SLC35F4: variants seen among roughly 807,000 people sequenced by gnomAD.
SLC35F4 encodes the protein chromosome 14 open reading frame 36.
Under a neutral mutation model 44.2 loss-of-function variants are expected in SLC35F4, and 24 were observed. The observed-to-expected ratio is 0.54, with a 90% CI of 0.39 to 0.76. The LOEUF (loss-of-function observed/expected upper bound fraction) is 0.76. Among genes scored for constraint, SLC35F4 ranks in the 30% least tolerant of loss-of-function variants. The pLI is 0.00. For synonymous variants in SLC35F4, 238 were observed against 223.6 expected, an observed-to-expected ratio of 1.06 and a Z score of -0.57; for missense variants, 562 against 586.1, an observed-to-expected ratio of 0.96 and a Z score of 0.42.
intron 1 of SLC35F4, among the ~76,000 whole-genome samples, chr14:57,738,002 C>G (rs904367598): frequency 6.6e-6 from 1 of 152,174 alleles, no homozygotes; most frequent in Non-Finnish European, 1.5e-5. Flanking sequence ...CATGCTAAAA[C>G]TTGGAGCAAG....
intron 1 of SLC35F4, among the ~76,000 whole-genome samples, chr14:57,647,551 C>T (rs1019674858): frequency 2.2e-4 from 34 of 152,010 alleles, no homozygotes; most frequent in Non-Finnish European, 2.2e-4. Flanking sequence ...AACTTCAACC[C>T]CTTAATGTTT....
At chr14:57,670,546 G>C (rs541279523) in intron 1 of SLC35F4, among the ~76,000 whole-genome samples, 62 of 151,848 alleles carry the variant, frequency 4.1e-4, no homozygotes, top group African/African-American at 1.5e-3. Flanking sequence ...TGTTCTCGTT[G>C]GTTTCAAAGA....
At chr14:57,581,628 G>A (rs575450915) in intron 3 of SLC35F4, among the ~76,000 whole-genome samples, 195 bp from the exon 4 acceptor site, 3 of 152,372 alleles carry the variant, frequency 2.0e-5, no homozygotes, top group African/African-American at 7.2e-5. Context: ...TAGCCCACAT[G>A]TGCCCAAGCA....
rs772280965 is a variant in SLC35F4, at chr14:57,594,004, A to G, written c.224T>C (p.Leu75Pro). ...TGAGGATCCTTGGTTTTGAAGTTCA[A>G]GAATAGGAGCAGAGGAATCTTCGGT... ...SVTEDSSAPI[L>P]ELQNQGSSGV... is the part of the protein sequence containing the mutation. Residue 75 changes from leucine to proline, a missense_variant, in exon 2 of 8, where the codon CTT becomes CCT. Transcript: ENST00000556826. The G allele has an allele frequency of 4.3e-6, 7 of 1,613,912 alleles. No homozygotes were observed. Among genetic ancestry groups the G allele is most frequent in the Middle Eastern group, 1.7e-4 (1 of 6,056 alleles).
chr14:57,579,354 A>AAATC (rs2139789756), intron 4 of SLC35F4: 1 of 152,274 alleles, frequency 6.6e-6, no homozygotes, highest in East Asian at 1.9e-4. Flanking sequence ...TTGATTTTTA[A>AAATC]AATCTGCTAT....
chr14:57,663,156 G>T (rs1383290197), intron 1 of SLC35F4, among the ~76,000 whole-genome samples: 3 of 152,126 alleles, frequency 2.0e-5, no homozygotes, highest in African/African-American at 7.2e-5. Flanking sequence ...GCCCCTTTGA[G>T]TGTGTCATGT....
chr14:57,713,816 G>A (rs1449810926), intron 1 of SLC35F4, among the ~76,000 whole-genome samples: 1 of 152,186 alleles, frequency 6.6e-6, no homozygotes, highest in Non-Finnish European at 1.5e-5. Context: ...TGATTTTGCT[G>A]TAAGAATATT....
intron 1 of SLC35F4, among the ~76,000 whole-genome samples, chr14:57,712,004 A>G (rs2075828507): frequency 6.6e-6 from 1 of 152,212 alleles, no homozygotes; most frequent in South Asian, 2.1e-4. Flanking sequence ...TCTGTACATT[A>G]CTTAGAGAAA....
chr14:57,917,780 C>T (rs1594623823), intron 1 of SLC35F4, among the ~76,000 whole-genome samples: 1 of 152,084 alleles, frequency 6.6e-6, no homozygotes, highest in Admixed American at 6.5e-5. Context: ...ATATGGATCC[C>T]GTTACCAAGT....
At chr14:57,973,489 C>T (rs1023253326), downstream of SLC35F4, among the ~76,000 whole-genome samples, 17 of 152,126 alleles carry the variant, frequency 1.1e-4, no homozygotes, top group African/African-American at 3.4e-4. Context: ...GGGAGAGGCA[C>T]AGATCTCTGT....
intron 1 of SLC35F4, among the ~76,000 whole-genome samples, chr14:57,606,028 G>A (rs1465253806): frequency 2.6e-5 from 4 of 152,164 alleles, no homozygotes; most frequent in African/African-American, 7.2e-5. Context: ...CACTACCTGG[G>A]TGACGGATTC....
At chr14:57,757,010 T>C (rs927811906) in intron 1 of SLC35F4, among the ~76,000 whole-genome samples, 2 of 152,128 alleles carry the variant, frequency 1.3e-5, no homozygotes, top group South Asian at 2.1e-4. Context: ...TTGACTATAA[T>C]TGTGAATGTT....
At chr14:57,698,561 G>T (rs1206156405) in intron 1 of SLC35F4, among the ~76,000 whole-genome samples, 1 of 151,862 alleles carries the variant, frequency 6.6e-6, no homozygotes, top group Non-Finnish European at 1.5e-5. Flanking sequence ...AATGGAATTG[G>T]AACACAAATT....
intron 1 of SLC35F4, among the ~76,000 whole-genome samples, chr14:57,764,338 T>C (rs1420878663): frequency 2.0e-5 from 3 of 152,154 alleles, no homozygotes; most frequent in African/African-American, 7.2e-5. Context: ...CCACTTTGGT[T>C]TATCTATCTG....
At chr14:57,939,249 G>C (rs996316419) in intron 1 of SLC35F4, among the ~76,000 whole-genome samples, 1 of 152,208 alleles carries the variant, frequency 6.6e-6, no homozygotes, top group Non-Finnish European at 1.5e-5. Flanking sequence ...CTTCATAACA[G>C]TAGTGAAGGG....
At chr14:57,947,374 T>G (rs1485629435) in intron 1 of SLC35F4, among the ~76,000 whole-genome samples, 1 of 152,148 alleles carries the variant, frequency 6.6e-6, no homozygotes, top group Non-Finnish European at 1.5e-5. Flanking sequence ...TTGTGTATAT[T>G]GATTTTGTGT....
chr14:57,906,268 T>C (rs1216198032), intron 1 of SLC35F4, among the ~76,000 whole-genome samples: 1 of 152,256 alleles, frequency 6.6e-6, no homozygotes, highest in Non-Finnish European at 1.5e-5. Context: ...ATATGGCCTC[T>C]CAGGCCTTTT....
At chr14:57,565,368 A>G (rs951661267) in intron 7 of SLC35F4, among the ~76,000 whole-genome samples, 4 of 152,214 alleles carry the variant, frequency 2.6e-5, no homozygotes, top group African/African-American at 9.6e-5. Context: ...GGCTTCTTGC[A>G]GGAAGCCTTT....
chr14:57,904,809 A>G lies in SLC35F4; in HGVS notation n.282+77104T>C, dbSNP rs1165122369. On this transcript the variant is annotated intron_variant and non_coding_transcript_variant, in intron 1 of 1. Transcript: ENST00000556568. Reference sequence around the variant, plus strand: ...AGTGATGGTGCAGATCCCAGCACCAACCCAGATGCTGGGATCTGCTCTGAC... The same window carrying G: ...AGTGATGGTGCAGATCCCAGCACCAGCCCAGATGCTGGGATCTGCTCTGAC... Among the ~76,000 whole-genome samples the G allele has an allele frequency of 5.9e-5, 9 of 151,956 alleles. No homozygotes were observed. The East Asian group carries it at 1.7e-3, about 29-fold the overall frequency.
Sources: gnomAD v4.1 joint callset for allele counts (sites outside exome capture counted in the v4.1 genomes callset) on GRCh38, gnomAD v4.1.1 for gene constraint, MANE v1.5 for transcripts, NCBI Gene and HGNC (gene_info 2026-07-23, HGNC 2026-07-21) for gene names.